TTC7B: variants seen among roughly 807,000 people sequenced by gnomAD.
TTC7B encodes tetratricopeptide repeat protein 7B.
A neutral mutation model predicts 106.8 loss-of-function variants in TTC7B; 28 were observed. That is an observed-to-expected ratio of 0.26 (90% CI 0.19 to 0.36). The LOEUF (loss-of-function observed/expected upper bound fraction) is 0.36. Ranked by LOEUF, TTC7B falls within the 10% of genes least tolerant of loss-of-function variation. TTC7B has a pLI of 1.00. For synonymous variants in TTC7B, 405 were observed against 430.6 expected (o/e 0.94, Z 0.74); for missense variants, 862 against 1,076.4 (o/e 0.80, Z 2.79).
chr14:90,599,188 T>C (rs530080740), intron 17 of TTC7B, among the ~76,000 whole-genome samples: 1 of 152,278 alleles, frequency 6.6e-6, no homozygotes, highest in African/African-American at 2.4e-5. Context: ...GCATAACTGA[T>C]AAATTAAGTG....
intron 19 of TTC7B, among the ~76,000 whole-genome samples, chr14:90,571,586 G>A (rs1458533504): frequency 1.3e-5 from 2 of 152,200 alleles, no homozygotes; most frequent in Admixed American, 6.5e-5. Context: ...ATTAACAGAT[G>A]AAAAGGCCTT....
At chr14:90,791,045 C>A (rs926904845) in intron 1 of TTC7B, among the ~76,000 whole-genome samples, 1 of 152,072 alleles carries the variant, frequency 6.6e-6, no homozygotes, top group African/African-American at 2.4e-5. Flanking sequence ...CCTGACCTCC[C>A]GACTCAGCAC....
chr14:90,559,929 G>T (rs377608052), intron 19 of TTC7B, among the ~76,000 whole-genome samples: 1 of 152,118 alleles, frequency 6.6e-6, no homozygotes, highest in African/African-American at 2.4e-5. Flanking sequence ...CTCCCCCACC[G>T]TGCTACCCTT....
At chr14:90,612,486 A>C (rs917876683) in intron 16 of TTC7B, among the ~76,000 whole-genome samples, 3 of 152,184 alleles carry the variant, frequency 2.0e-5, no homozygotes, top group Admixed American at 1.3e-4. Flanking sequence ...ACACACGATG[A>C]GGTATCGGCA....
chr14:90,795,544 C>T (rs1022662811), intron 1 of TTC7B, among the ~76,000 whole-genome samples: 1 of 152,192 alleles, frequency 6.6e-6, no homozygotes, highest in Non-Finnish European at 1.5e-5. Context: ...CCTCTGGCAG[C>T]CCTGGGCTTA....
chr14:90,670,995 T>G (rs895510802), intron 9 of TTC7B, among the ~76,000 whole-genome samples: 1 of 152,166 alleles, frequency 6.6e-6, no homozygotes, highest in Non-Finnish European at 1.5e-5. Context: ...ACTGGTGCAT[T>G]CAGCAAGTTG....
At chr14:90,602,503 C>A (rs1892466626) in intron 17 of TTC7B, among the ~76,000 whole-genome samples, 1 of 152,144 alleles carries the variant, frequency 6.6e-6, no homozygotes. Context: ...GAGTTGGAAA[C>A]CAGCCTGGGC....
chr14:90,675,555 G>A (rs2139922588), intron 9 of TTC7B, among the ~76,000 whole-genome samples: 1 of 152,284 alleles, frequency 6.6e-6, no homozygotes, highest in Non-Finnish European at 1.5e-5. Context: ...AGTAACCACT[G>A]CCCTGTAGAG....
intron 15 of TTC7B, among the ~76,000 whole-genome samples, chr14:90,635,198 C>A (rs1884879683): frequency 6.6e-6 from 1 of 151,794 alleles, no homozygotes; most frequent in African/African-American, 2.4e-5. Context: ...CAGCAATAGA[C>A]CCTCACTAAA....
At chr14:90,668,354 C>A (rs1439140765) in intron 9 of TTC7B, among the ~76,000 whole-genome samples, 2 of 152,072 alleles carry the variant, frequency 1.3e-5, no homozygotes, top group East Asian at 3.9e-4. Context: ...TCAGAGTAGC[C>A]AAGTATATTT....
rs201616174 is a variant in TTC7B, at chr14:90,630,831, G to GTTTTTT, written c.1752-12792_1752-12787dup. On this transcript the variant is annotated intron_variant, in intron 15 of 19. Transcript: ENST00000328459. The stretch of plus-strand genomic sequence containing the variant: ...ATCCATCAGAATGTCCTTCTATCTT[G>GTTTTTT]TTTTTTGTTTTTTTTTTTTTTGAGA... Among the ~76,000 whole-genome samples, 10 of 141,856 alleles carry GTTTTTT rather than the reference G, an allele frequency of 7.0e-5. 1 individual carries two copies. The highest frequency in any genetic ancestry group is 1.8e-4 in the African/African-American group (7 of 39,314). The allele number at this position is 141,856 out of a possible 152,430, so 93.1% of individuals were successfully genotyped here. A position where few individuals can be genotyped will look rare whatever the true frequency, so the allele number is the denominator to read the frequency against.
At chr14:90,781,391 T>A (rs1891215932) in intron 2 of TTC7B, among the ~76,000 whole-genome samples, 1 of 152,152 alleles carries the variant, frequency 6.6e-6, no homozygotes, top group African/African-American at 2.4e-5. Flanking sequence ...TTCATGAATA[T>A]ACTAAAAATC....
At chr14:90,726,670 A>G (rs542002691) in intron 5 of TTC7B, among the ~76,000 whole-genome samples, 1 of 152,324 alleles carries the variant, frequency 6.6e-6, no homozygotes, top group African/African-American at 2.4e-5. Context: ...CCTGAGACTC[A>G]GAGGAAGAAA....
intron 9 of TTC7B, among the ~76,000 whole-genome samples, chr14:90,659,964 G>A (rs1886119328): frequency 6.6e-6 from 1 of 152,132 alleles, no homozygotes; most frequent in African/African-American, 2.4e-5. Flanking sequence ...CTCCTACAGA[G>A]GCAAGATCCT....
At chr14:90,715,178 T>C (rs1888606544) in intron 5 of TTC7B, among the ~76,000 whole-genome samples, 2 of 152,214 alleles carry the variant, frequency 1.3e-5, no homozygotes, top group African/African-American at 4.8e-5. Flanking sequence ...CGATGCCCTG[T>C]TGCACACAAA....
intron 17 of TTC7B, chr14:90,603,167 TCAA>T: frequency 1.0e-6 from 1 of 968,634 alleles, no homozygotes; most frequent in Non-Finnish European, 1.4e-6. Flanking sequence ...TTCTCAGCAC[TCAA>T]CAACCACAAT....
At chr14:90,782,288 A>G (rs1038735901) in intron 2 of TTC7B, among the ~76,000 whole-genome samples, 2 of 152,164 alleles carry the variant, frequency 1.3e-5, no homozygotes, top group African/African-American at 4.8e-5. Context: ...AAATCAAAGC[A>G]GACTCAGAAA....
intron 5 of TTC7B, among the ~76,000 whole-genome samples, chr14:90,716,517 C>G (rs1888662138): frequency 6.6e-6 from 1 of 152,156 alleles, no homozygotes. Flanking sequence ...TGCTTCTGTT[C>G]ATCTTATATC....
chr14:90,560,057 C>T lies in TTC7B; in HGVS notation c.2310+18049G>A, dbSNP rs1890504888. Among the ~76,000 whole-genome samples, 6 of 152,246 alleles carry T rather than the reference C, an allele frequency of 3.9e-5. No homozygotes were observed. The South Asian group carries it at 1.2e-3, about 31-fold the overall frequency. ...CACAAGCGCCATGTGCCCCAGGAGC[C>T]CCGGGTTAGGGCCATTTGGCACCGT... On this transcript the variant is annotated intron_variant, in intron 19 of 19. Coordinates refer to ENST00000328459, the MANE Select transcript of TTC7B (RefSeq NM_001010854.2).
Sources: gnomAD v4.1 joint callset for allele counts (sites outside exome capture counted in the v4.1 genomes callset) on GRCh38, gnomAD v4.1.1 for gene constraint, MANE v1.5 for transcripts, NCBI Gene and HGNC (gene_info 2026-07-23, HGNC 2026-07-21) for gene names.